The following CSMD1 variants were observed in gnomAD, a reference collection of about 807,000 sequenced individuals.
CSMD1 encodes the protein CUB and Sushi multiple domains 1.
CSMD1 carries 213 observed loss-of-function variants against 417.5 expected under a neutral mutation model. The ratio of observed to expected loss-of-function variants is 0.51; its 90% CI spans 0.46 to 0.57. CSMD1 has a LOEUF of 0.57. Among genes scored for constraint, CSMD1 ranks in the 20% least tolerant of loss-of-function variants. The pLI is 0.00. For synonymous variants in CSMD1, 2,862 were observed against 1,736.8 expected (o/e 1.65, Z -16.11); for missense variants, 6,923 against 4,529.7 (o/e 1.53, Z -15.17).
intron 6 of CSMD1, among the ~76,000 whole-genome samples, chr8:3,735,682 G>C (rs939762171): frequency 2.6e-5 from 4 of 152,188 alleles, no homozygotes; most frequent in African/African-American, 9.6e-5. Flanking sequence ...CCTCTGGAGA[G>C]GCTTGCTATC....
At chr8:4,503,085 A>G (rs1802339902) in intron 2 of CSMD1, among the ~76,000 whole-genome samples, 1 of 152,230 alleles carries the variant, frequency 6.6e-6, no homozygotes, top group African/African-American at 2.4e-5. Context: ...TGCATAAATG[A>G]ACAAGAACTG....
intron 3 of CSMD1, among the ~76,000 whole-genome samples, chr8:4,108,887 A>T (rs999358941): frequency 3.9e-5 from 6 of 152,204 alleles, no homozygotes; most frequent in African/African-American, 1.4e-4. Flanking sequence ...ACTTTAGTGG[A>T]AACAGCCAGA....
At chr8:3,233,127 T>G (rs1392405660) in intron 26 of CSMD1, among the ~76,000 whole-genome samples, 1 of 152,170 alleles carries the variant, frequency 6.6e-6, no homozygotes, top group Non-Finnish European at 1.5e-5. Context: ...GCCTAATTTT[T>G]CTACTTCATA....
At chr8:3,764,772 A>C in intron 5 of CSMD1, among the ~76,000 whole-genome samples, 1 of 138,198 alleles carries the variant, frequency 7.2e-6, no homozygotes, top group African/African-American at 2.7e-5. Context: ...TTTGAGAGAC[A>C]TTCTCACTCT....
chr8:4,896,480 C>A (rs148738838), intron 1 of CSMD1, among the ~76,000 whole-genome samples: 2 of 151,988 alleles, frequency 1.3e-5, no homozygotes, highest in African/African-American at 4.8e-5. Flanking sequence ...CAAACTGAAA[C>A]TCTGTCTCTA....
intron 1 of CSMD1, among the ~76,000 whole-genome samples, chr8:4,840,273 G>C (rs190108418): frequency 1.5e-5 from 1 of 66,672 alleles, no homozygotes. Context: ...AAGTATTCCT[G>C]CTTTAAGATG....
intron 5 of CSMD1, among the ~76,000 whole-genome samples, chr8:3,895,417 C>A (rs1318409054): frequency 6.6e-6 from 1 of 151,760 alleles, no homozygotes; most frequent in African/African-American, 2.4e-5. Flanking sequence ...TTTCTGTGGC[C>A]CTATTAACAC....
intron 3 of CSMD1, among the ~76,000 whole-genome samples, chr8:4,144,099 T>A (rs1216053349): frequency 6.6e-6 from 1 of 151,146 alleles, no homozygotes; most frequent in Non-Finnish European, 1.5e-5. Context: ...TTTAGAAAGT[T>A]TGAGTTAATT....
intron 5 of CSMD1, among the ~76,000 whole-genome samples, chr8:3,906,728 T>A (rs1159747429): frequency 6.6e-6 from 1 of 152,128 alleles, no homozygotes; most frequent in African/African-American, 2.4e-5. Context: ...GCTGATAGAT[T>A]TTCCTCATCT....
intron 5 of CSMD1, among the ~76,000 whole-genome samples, chr8:3,794,656 G>A (rs145476408): frequency 1.1e-3 from 173 of 151,920 alleles, no homozygotes; most frequent in African/African-American, 4.1e-3. Flanking sequence ...GAAGTTATGT[G>A]ATTATTTGGT....
At chr8:4,163,005 C>A (rs962346501) in intron 3 of CSMD1, among the ~76,000 whole-genome samples, 13 of 152,168 alleles carry the variant, frequency 8.5e-5, no homozygotes, top group Admixed American at 4.6e-4. Flanking sequence ...CCTTTTCAGA[C>A]TGACTTCTTT....
chr8:4,453,339 C>A (rs1383672674), intron 2 of CSMD1, among the ~76,000 whole-genome samples: 1 of 152,162 alleles, frequency 6.6e-6, no homozygotes, highest in Non-Finnish European at 1.5e-5. Context: ...CCACTGGGAA[C>A]CAACTGCCCC....
chr8:3,488,916 T>C (rs1345839297), intron 11 of CSMD1, among the ~76,000 whole-genome samples: 1 of 151,940 alleles, frequency 6.6e-6, no homozygotes, highest in Non-Finnish European at 1.5e-5. Context: ...TAATCATGTT[T>C]TCTGATTTTT....
chr8:3,668,748 A>C (rs1259783989), intron 7 of CSMD1, among the ~76,000 whole-genome samples: 2 of 152,152 alleles, frequency 1.3e-5, no homozygotes, highest in African/African-American at 4.8e-5. Context: ...AACGCTAGGG[A>C]AGACCCATAC....
At chr8:4,819,657 G>A (rs1324362065) in intron 1 of CSMD1, among the ~76,000 whole-genome samples, 1 of 152,102 alleles carries the variant, frequency 6.6e-6, no homozygotes, top group Non-Finnish European at 1.5e-5. Flanking sequence ...ATCATCTGTT[G>A]TCACCCCTGT....
At chr8:3,343,711 G>C (rs1585028387) in intron 22 of CSMD1, among the ~76,000 whole-genome samples, 1 of 152,186 alleles carries the variant, frequency 6.6e-6, no homozygotes, top group African/African-American at 2.4e-5. Context: ...AGCTCTTTCT[G>C]TGTTCATTTA....
intron 18 of CSMD1, among the ~76,000 whole-genome samples, chr8:3,377,300 C>T (rs992659883): frequency 2.0e-5 from 3 of 152,166 alleles, no homozygotes; most frequent in Non-Finnish European, 4.4e-5. Flanking sequence ...GCATGAGCCA[C>T]CATGCCTGGC....
chr8:3,624,718 A>G (rs1030479684), intron 7 of CSMD1, among the ~76,000 whole-genome samples: 29 of 152,174 alleles, frequency 1.9e-4, no homozygotes, highest in Non-Finnish European at 3.5e-4. Context: ...CCACTCTAGG[A>G]TATGTGTTTG....
intron 1 of CSMD1, among the ~76,000 whole-genome samples, chr8:4,873,095 A>G (rs554745560): frequency 6.6e-6 from 1 of 152,232 alleles, no homozygotes; most frequent in East Asian, 1.9e-4. Context: ...ACATTGTAAC[A>G]TGGTTACCAA....
Sources: allele counts gnomAD v4.1 joint callset (sites outside exome capture counted in the v4.1 genomes callset), GRCh38; gene constraint gnomAD v4.1.1; transcripts MANE v1.5; gene names NCBI Gene and HGNC (gene_info 2026-07-23, HGNC 2026-07-21).